Variants in CRPPA observed in about 807,000 individuals in gnomAD.
The protein encoded by CRPPA is CDP-L-ribitol pyrophosphorylase A, also known as D-ribitol-5-phosphate cytidylyltransferase.
Under a neutral mutation model 52.0 loss-of-function variants are expected in CRPPA, and 43 were observed. That is an observed-to-expected ratio of 0.83 (90% confidence interval 0.65 to 1.07). The LOEUF (loss-of-function observed/expected upper bound fraction) is 1.07, where lower values mean the gene tolerates loss of function less well. Ranked by LOEUF, CRPPA falls within the 50% of genes least tolerant of loss-of-function variation. The probability of loss-of-function intolerance (pLI) is 0.00; values close to 1 mark genes in which losing one functional copy is unlikely to be tolerated. For missense variants in CRPPA, 629 were observed against 551.7 expected, an observed-to-expected ratio of 1.14 and a Z score of -1.40; for synonymous variants, 250 against 203.5, an observed-to-expected ratio of 1.23 and a Z score of -1.94.
chr7:16,154,229 T>C (rs568080651), intron 9 of CRPPA, among the ~76,000 whole-genome samples: 1 of 152,244 alleles, frequency 6.6e-6, no homozygotes, highest in South Asian at 2.1e-4. Context: ...TCAATTTTTG[T>C]TATTTCTTCT....
chr7:16,276,209 C>T (rs1038232965), intron 6 of CRPPA, among the ~76,000 whole-genome samples: 1 of 152,018 alleles, frequency 6.6e-6, no homozygotes, highest in Non-Finnish European at 1.5e-5. Context: ...AACATGTAAG[C>T]TTCATCCAAC....
intron 3 of CRPPA, among the ~76,000 whole-genome samples, chr7:16,361,705 C>G (rs1786449260): frequency 6.6e-6 from 1 of 152,036 alleles, no homozygotes. Flanking sequence ...AGAGGAGTTA[C>G]CATTTAATAA....
chr7:16,190,553 G>A (rs148677205), intron 9 of CRPPA, among the ~76,000 whole-genome samples: 452 of 152,154 alleles, frequency 3.0e-3, no homozygotes, highest in Non-Finnish European at 4.6e-3. Flanking sequence ...TATTCCTCCC[G>A]TTGAATTTTC....
intron 8 of CRPPA, among the ~76,000 whole-genome samples, chr7:16,246,728 T>C (rs1378122751): frequency 6.6e-6 from 1 of 152,248 alleles, no homozygotes; most frequent in African/African-American, 2.4e-5. Flanking sequence ...GGAATCTTTC[T>C]TTGTGAGCAT....
chr7:16,160,019 GTT>G (rs377415752), intron 9 of CRPPA, among the ~76,000 whole-genome samples: 1 of 150,968 alleles, frequency 6.6e-6, no homozygotes, highest in East Asian at 1.9e-4. Context: ...ACTTTTTGAT[GTT>G]TTTTTTTCTT....
intron 3 of CRPPA, among the ~76,000 whole-genome samples, chr7:16,312,835 TA>T (rs1248078005): frequency 1.1e-4 from 16 of 152,024 alleles, no homozygotes; most frequent in African/African-American, 3.9e-4. Flanking sequence ...TTAATATGAT[TA>T]TATGATTTTT....
intron 9 of CRPPA, among the ~76,000 whole-genome samples, chr7:16,167,832 T>C (rs1455437830): frequency 6.6e-6 from 1 of 152,252 alleles, no homozygotes; most frequent in Non-Finnish European, 1.5e-5. Context: ...TTAACGAAGT[T>C]GTCCTGACTC....
intron 3 of CRPPA, among the ~76,000 whole-genome samples, chr7:16,324,688 C>T (rs988647843): frequency 5.3e-5 from 8 of 152,216 alleles, no homozygotes; most frequent in African/African-American, 1.9e-4. Flanking sequence ...AAATCACTAA[C>T]ATCATTATCT....
rs1034634648 is a variant in CRPPA at position 16,358,360 on chromosome 7, G to A, written c.684+17732C>T. Among the ~76,000 whole-genome samples the A allele has an allele frequency of 4.6e-5, 7 of 152,288 alleles. No individual in the cohort carries two copies. The East Asian group carries it at 5.8e-4, about 13-fold the overall frequency. On this transcript the variant is annotated intron_variant, in intron 3 of 9. Transcript: ENST00000407010. ...CAGGGTCCAGCAGACAATGACGGGTGGATTTGGAGCTGGGAAGCGATTAAG... is the reference window on the plus strand; with the variant it reads ...CAGGGTCCAGCAGACAATGACGGGTAGATTTGGAGCTGGGAAGCGATTAAG...
chr7:16,295,335 A>G (rs1784648900), intron 5 of CRPPA, among the ~76,000 whole-genome samples: 1 of 152,108 alleles, frequency 6.6e-6, no homozygotes, highest in South Asian at 2.1e-4. Context: ...AATGGAAAAT[A>G]TTACATAATA....
At chr7:16,407,607 G>A (rs1787985031) in intron 1 of CRPPA, among the ~76,000 whole-genome samples, 1 of 152,212 alleles carries the variant, frequency 6.6e-6, no homozygotes, top group South Asian at 2.1e-4. Flanking sequence ...TACCTTTACT[G>A]AAAAATGAAG....
At chr7:16,367,040 G>A (rs1028773516) in intron 3 of CRPPA, among the ~76,000 whole-genome samples, 2 of 152,078 alleles carry the variant, frequency 1.3e-5, no homozygotes, top group African/African-American at 2.4e-5. Context: ...AGCTCTTTCT[G>A]ACTCAAAGCT....
chr7:16,191,862 A>G (rs377293940), intron 9 of CRPPA, among the ~76,000 whole-genome samples: 1 of 152,036 alleles, frequency 6.6e-6, no homozygotes, highest in South Asian at 2.1e-4. Flanking sequence ...TTCTCTTACC[A>G]TATAAGTTTC....
intron 9 of CRPPA, among the ~76,000 whole-genome samples, chr7:16,208,756 G>T (rs887667542): frequency 3.3e-5 from 5 of 152,142 alleles, no homozygotes; most frequent in African/African-American, 1.2e-4. Context: ...TAATTTTGAA[G>T]GATATCATCT....
chr7:16,218,095 C>A (rs546408079), intron 8 of CRPPA, among the ~76,000 whole-genome samples: 65 of 152,044 alleles, frequency 4.3e-4, no homozygotes, highest in Admixed American at 7.9e-4. Flanking sequence ...CAGATCTCTC[C>A]GCAGAAACCC....
intron 2 of CRPPA, among the ~76,000 whole-genome samples, chr7:16,394,495 GA>G (rs906873950): frequency 6.6e-6 from 1 of 152,102 alleles, no homozygotes; most frequent in Non-Finnish European, 1.5e-5. Flanking sequence ...TCATTGGGGG[GA>G]TTAAATAAGA....
At chr7:16,158,349 G>A (rs914695214) in intron 9 of CRPPA, among the ~76,000 whole-genome samples, 1 of 151,900 alleles carries the variant, frequency 6.6e-6, no homozygotes, top group Admixed American at 6.6e-5. Flanking sequence ...CTAGGAAGTA[G>A]GAACCCCGAT....
intron 3 of CRPPA, among the ~76,000 whole-genome samples, chr7:16,319,067 G>A (rs954845182): frequency 4.6e-5 from 7 of 151,990 alleles, no homozygotes; most frequent in Admixed American, 6.5e-5. Context: ...CATAATTTTG[G>A]TTAAATCAGT....
At chr7:16,405,267 G>A (rs1787923819) in intron 2 of CRPPA, among the ~76,000 whole-genome samples, 1 of 152,096 alleles carries the variant, frequency 6.6e-6, no homozygotes, top group South Asian at 2.1e-4. Flanking sequence ...TATTCTAATA[G>A]CTAACATAAT....
Sources: gnomAD v4.1 joint callset for allele counts (sites outside exome capture counted in the v4.1 genomes callset) on GRCh38, gnomAD v4.1.1 for gene constraint, MANE v1.5 for transcripts, NCBI Gene and HGNC (gene_info 2026-07-23, HGNC 2026-07-21) for gene names.